ZNF609: variants seen among roughly 807,000 people sequenced by gnomAD.
The protein encoded by ZNF609 is zinc finger protein 609.
ZNF609 carries 11 observed loss-of-function variants against 109.5 expected under a neutral mutation model. The ratio of observed to expected loss-of-function variants is 0.10; its 90% CI spans 0.06 to 0.17. The LOEUF (loss-of-function observed/expected upper bound fraction) is 0.17. ZNF609 is among the 10% of genes least tolerant of loss of function. ZNF609 has a pLI of 1.00. For synonymous variants in ZNF609, 646 were observed against 662.0 expected (o/e 0.98, Z 0.37); for missense variants, 1,559 against 1,772.4 (o/e 0.88, Z 2.16).
chr15:64,491,243 GA>G (rs1328930904), intron 1 of ZNF609, among the ~76,000 whole-genome samples: 1 of 152,226 alleles, frequency 6.6e-6, no homozygotes, highest in Non-Finnish European at 1.5e-5. Context: ...GGCAGGTAGA[GA>G]GGGAGATGCC....
chr15:64,539,742 C>G (rs1250996941), intron 2 of ZNF609, among the ~76,000 whole-genome samples: 4 of 151,960 alleles, frequency 2.6e-5, no homozygotes, highest in Non-Finnish European at 4.4e-5. Flanking sequence ...GACCATGTGC[C>G]TCAGTCTCCC....
intron 3 of ZNF609, among the ~76,000 whole-genome samples, chr15:64,653,683 A>C (rs1446335297): frequency 6.6e-6 from 1 of 152,142 alleles, no homozygotes; most frequent in Non-Finnish European, 1.5e-5. Flanking sequence ...ACTTCCTGGA[A>C]GCAATGACAT....
intron 2 of ZNF609, among the ~76,000 whole-genome samples, chr15:64,526,322 G>A (rs184082433): frequency 1.3e-5 from 2 of 152,012 alleles, no homozygotes; most frequent in African/African-American, 4.8e-5. Flanking sequence ...TGTGGAATTC[G>A]TTTGTTGGCT....
intron 2 of ZNF609, among the ~76,000 whole-genome samples, chr15:64,543,255 C>CTTTTTT (rs77646116): frequency 9.7e-5 from 11 of 113,280 alleles, no homozygotes; most frequent in Non-Finnish European, 1.3e-4. Context: ...TTTGTTGTTG[C>CTTTTTT]TTTTTTTTTT....
chr15:64,463,030 G>A (rs1027606390), intron 1 of ZNF609, among the ~76,000 whole-genome samples: 5 of 152,170 alleles, frequency 3.3e-5, no homozygotes, highest in African/African-American at 1.2e-4. Context: ...GAGGCAGGAG[G>A]ATCACTTGAG....
At chr15:64,570,041 T>C (rs1894837218) in intron 2 of ZNF609, among the ~76,000 whole-genome samples, 1 of 152,210 alleles carries the variant, frequency 6.6e-6, no homozygotes, top group African/African-American at 2.4e-5. Context: ...CTTTTTAAAA[T>C]AGAGATAGGG....
At chr15:64,488,406 G>T (rs1327340654) in intron 1 of ZNF609, among the ~76,000 whole-genome samples, 1 of 152,168 alleles carries the variant, frequency 6.6e-6, no homozygotes, top group Non-Finnish European at 1.5e-5. Flanking sequence ...ACCAAACACT[G>T]GTTCTTCAAT....
intron 3 of ZNF609, among the ~76,000 whole-genome samples, chr15:64,642,848 T>C: frequency 6.6e-6 from 1 of 152,198 alleles, no homozygotes; most frequent in East Asian, 1.9e-4. Context: ...AAAATTTTTT[T>C]AAATGGTTTT....
intron 2 of ZNF609, among the ~76,000 whole-genome samples, chr15:64,504,143 T>C (rs1408516399): frequency 2.0e-5 from 3 of 152,230 alleles, no homozygotes; most frequent in Admixed American, 6.5e-5. Flanking sequence ...ATGGAAAACA[T>C]TAAAAAGAAG....
At chr15:64,549,778 T>C (rs991658260) in intron 2 of ZNF609, among the ~76,000 whole-genome samples, 8 of 152,158 alleles carry the variant, frequency 5.3e-5, no homozygotes, top group Non-Finnish European at 1.0e-4. Context: ...TATTTTTCAT[T>C]TTTGGGCTTA....
intron 2 of ZNF609, among the ~76,000 whole-genome samples, chr15:64,560,546 C>T (rs553359652): frequency 1.1e-4 from 17 of 152,112 alleles, no homozygotes; most frequent in South Asian, 8.3e-4. Context: ...ACTTGGGGAC[C>T]GCTCTTCCCA....
intron 2 of ZNF609, among the ~76,000 whole-genome samples, chr15:64,583,147 G>A (rs1476643777): frequency 2.0e-5 from 3 of 147,402 alleles, no homozygotes; most frequent in Admixed American, 6.7e-5. Flanking sequence ...AATTCTCTGC[G>A]TCAGCCTCCA....
At chr15:64,618,913 G>A (rs1895839732) in intron 2 of ZNF609, among the ~76,000 whole-genome samples, 1 of 152,178 alleles carries the variant, frequency 6.6e-6, no homozygotes, top group South Asian at 2.1e-4. Flanking sequence ...GGGTGGTCTT[G>A]GGAAATCCAA....
chr15:64,486,067 C>T (rs1197595550), intron 1 of ZNF609, among the ~76,000 whole-genome samples: 29 of 152,136 alleles, frequency 1.9e-4, no homozygotes, highest in Admixed American at 1.9e-3. Flanking sequence ...TCATGTTGTC[C>T]TTTTATAGCC....
At chr15:64,559,282 C>G (rs936318333) in intron 2 of ZNF609, among the ~76,000 whole-genome samples, 2 of 152,154 alleles carry the variant, frequency 1.3e-5, no homozygotes, top group African/African-American at 4.8e-5. Context: ...TAGTGAGACT[C>G]AAGTCCTGAA....
chr15:64,465,552 A>G (rs1181567364), intron 1 of ZNF609, among the ~76,000 whole-genome samples: 2 of 151,604 alleles, frequency 1.3e-5, no homozygotes, highest in Non-Finnish European at 2.9e-5. Flanking sequence ...AGCTAATTTT[A>G]GTATTTTTAG....
At chr15:64,463,330 T>C (rs1049432932) in intron 1 of ZNF609, among the ~76,000 whole-genome samples, 2 of 151,650 alleles carry the variant, frequency 1.3e-5, no homozygotes, top group Non-Finnish European at 2.9e-5. Context: ...GCCCAGGAGG[T>C]TGAGGCTGCA....
intron 4 of ZNF609, among the ~76,000 whole-genome samples, chr15:64,672,268 TC>T (rs1227954755): frequency 6.7e-6 from 1 of 148,752 alleles, no homozygotes; most frequent in Non-Finnish European, 1.5e-5. Flanking sequence ...CGCCTCGGCC[TC>T]CCAAAGAGCT....
At chr15:64,593,068 G>A (rs1895329228) in intron 2 of ZNF609, 10 of 1,591,052 alleles carry the variant, frequency 6.3e-6, no homozygotes, top group Non-Finnish European at 8.5e-6. Context: ...CCCGATGCGT[G>A]CCCAAAGACA....
Sources: allele counts gnomAD v4.1 joint callset (sites outside exome capture counted in the v4.1 genomes callset), GRCh38; gene constraint gnomAD v4.1.1; transcripts MANE v1.5; gene names NCBI Gene and HGNC (gene_info 2026-07-23, HGNC 2026-07-21).